ATP2B3: variants seen among roughly 807,000 people sequenced by gnomAD.
ATP2B3 encodes the protein plasma membrane calcium-transporting ATPase 3.
In ATP2B3, 12 loss-of-function variants were observed where a neutral mutation model predicts 70.8. The observed-to-expected ratio is 0.17, with a 90% CI of 0.11 to 0.27. ATP2B3 has a LOEUF of 0.27. Ranked by LOEUF, ATP2B3 falls within the 10% of genes least tolerant of loss-of-function variation. ATP2B3 has a pLI of 1.00. For synonymous variants in ATP2B3, 460 were observed against 497.8 expected (o/e 0.92, Z 1.01); for missense variants, 858 against 1,118.5 (o/e 0.77, Z 3.32).
At position 153,547,905 on chromosome X, in the gene ATP2B3, G is replaced by T; in HGVS notation, c.1029G>T (p.Glu343Asp). The change falls in exon 9 of 22, where the codon GAG becomes GAT. Residue 343 changes from glutamate to aspartate, a missense_variant. Around this residue, in one of 5 missense-constraint regions of ATP2B3, gnomAD observed 278 missense variants for 366.2 expected, o/e 0.76. Transcript: ENST00000263519. ...PLKSAEGGEM[E>D]EREKKKANAP... is the part of the protein sequence containing the mutation. ...AGAGCGCGGAGGGTGGGGAGATGGAGGAGCGGGAGAAGAAGAAAGCCAACG... is the reference window on the plus strand; with the variant it reads ...AGAGCGCGGAGGGTGGGGAGATGGATGAGCGGGAGAAGAAGAAAGCCAACG... 1 of 1,211,359 alleles carries T rather than the reference G, an allele frequency of 8.3e-7. No individual in the cohort carries two copies. Among genetic ancestry groups the T allele is most frequent in the Non-Finnish European group, 1.1e-6 (1 of 895,174 alleles).
At chrX:153,546,046 T>A (rs2090361118) in intron 7 of ATP2B3, 42 bp from the exon 8 acceptor site, 4 of 1,203,573 alleles carry the variant, frequency 3.3e-6, no homozygotes, top group African/African-American at 1.7e-5. Context: ...CCCAGGCTGG[T>A]GTCCTCAAGC....
Position 153,582,095 on chromosome X carries a change from G to T in ATP2B3, c.*1797G>T, listed in dbSNP as rs41304982. 3,175 of 111,770 alleles carry T rather than the reference G, an allele frequency of 0.028. 46 individuals are homozygous for T. Among genetic ancestry groups the T allele is most frequent in the Non-Finnish European group, 0.048 (2,523 of 53,070 alleles). 9.2% of individuals were successfully genotyped at this position (111,770 alleles called of 1,213,427 possible). On this transcript the variant is annotated 3_prime_UTR_variant, in exon 22 of 22. Coordinates refer to ENST00000263519, the MANE Select transcript of ATP2B3 (RefSeq NM_001001344.3). ...GAGGATCGGAATGGAAACCACCAAC[G>T]TGCACTGGCACCCTCAGAAGGCTTG...
chrX:153,576,388 G>T (rs1203592801), intron 21 of ATP2B3, among the ~76,000 whole-genome samples: 2 of 111,850 alleles, frequency 1.8e-5, no homozygotes, highest in African/African-American at 6.5e-5. Flanking sequence ...TGGATGTCTG[G>T]TACATAGGGT....
rs1557008584 is a variant in ATP2B3, at chrX:153,546,082, T to C, written c.917-6T>C. The C allele has an allele frequency of 1.7e-6, 2 of 1,211,106 alleles. No homozygotes were observed. Among genetic ancestry groups the C allele is most frequent in the Non-Finnish European group, 2.2e-6 (2 of 895,247 alleles). ...CTTCGTGTCTGTCATCCCTCTTCCA[T>C]TGTAGGCAAGCAGCAGGATGGGGCC... On this transcript the variant is annotated splice_polypyrimidine_tract_variant and splice_region_variant and intron_variant, in intron 7 of 21. Coordinates refer to ENST00000263519, the MANE Select transcript of ATP2B3 (RefSeq NM_001001344.3).
At chrX:153,550,007 C>T in intron 11 of ATP2B3, 38 bp from the exon 12 acceptor site, 1 of 1,196,072 alleles carries the variant, frequency 8.4e-7, no homozygotes, top group Non-Finnish European at 1.1e-6. Flanking sequence ...AGGGTGGTCT[C>T]AGGCCCCCAG....
At chrX:153,552,595 A>G (rs915740492) in intron 12 of ATP2B3, among the ~76,000 whole-genome samples, 5 of 112,064 alleles carry the variant, frequency 4.5e-5, no homozygotes, top group Admixed American at 9.4e-5. Context: ...CGCTTGCCCT[A>G]TGAAGTCTGT....
chrX:153,565,232 A>G, intron 21 of ATP2B3, 129 bp downstream of exon 21: 1 of 853,840 alleles, frequency 1.2e-6, no homozygotes, highest in Non-Finnish European at 1.6e-6. Context: ...CTTGCTGCCA[A>G]GGTCACAAAA....
chrX:153,549,078 G>T (rs1225383408), intron 10 of ATP2B3, among the ~76,000 whole-genome samples: 2 of 108,651 alleles, frequency 1.8e-5, no homozygotes, highest in Non-Finnish European at 3.8e-5. Flanking sequence ...ATACCCAGGG[G>T]TTCAGCATCT....
At position 153,580,153 on chromosome X, in the gene ATP2B3, C is replaced by T. The variant is rs149428057; in HGVS notation, c.3518C>T (p.Ala1173Val). ...DVDENEERLR[A>V]PPPPSPNQNN... ...GACGAGAACGAGGAGCGCCTCCGGG[C>T]CCCCCCGCCCCCGTCCCCCAACCAG... The change falls in exon 22 of 22, where the codon GCC becomes GTC. Residue 1173 changes from alanine to valine, a missense_variant. Transcript: ENST00000263519. The T allele has an allele frequency of 5.1e-3, 5,591 of 1,089,553 alleles. 12 individuals carry two copies. Among genetic ancestry groups the T allele is most frequent in the Non-Finnish European group, 6.4e-3 (5,085 of 790,991 alleles). The allele number at this position is 1,089,553 out of a possible 1,213,427, so 89.8% of individuals were successfully genotyped here.
chrX:153,561,517 G>T (rs1030358892), intron 19 of ATP2B3, among the ~76,000 whole-genome samples: 4 of 112,279 alleles, frequency 3.6e-5, no homozygotes, highest in South Asian at 3.7e-4. Context: ...CAGGCAGGAG[G>T]TGGGGTGTGA....
chrX:153,520,708 C>T (rs1348195482), intron 2 of ATP2B3, among the ~76,000 whole-genome samples: 1 of 112,504 alleles, frequency 8.9e-6, no homozygotes, highest in Non-Finnish European at 1.9e-5. Flanking sequence ...GTAGCAAATC[C>T]AGGGCTGGAA....
intron 2 of ATP2B3, among the ~76,000 whole-genome samples, chrX:153,535,253 G>A (rs1316904478): frequency 8.9e-6 from 1 of 112,649 alleles, no homozygotes; most frequent in Non-Finnish European, 1.9e-5. Flanking sequence ...GGCCAGGGCC[G>A]TGGCCTGGAT....
intron 2 of ATP2B3, among the ~76,000 whole-genome samples, chrX:153,531,105 G>A (rs2090111067): frequency 8.9e-6 from 1 of 112,990 alleles, no homozygotes; most frequent in Non-Finnish European, 1.9e-5. Context: ...AGGAAGGAGA[G>A]GGCCTGGCGC....
chrX:153,571,003 T>TGCAC (rs1557019744), intron 21 of ATP2B3, among the ~76,000 whole-genome samples: 4 of 87,635 alleles, frequency 4.6e-5, no homozygotes, highest in African/African-American at 1.7e-4. Context: ...CGTGCGCGCG[T>TGCAC]ACACACACAC....
chrX:153,550,834 C>T (rs1019386528), intron 12 of ATP2B3, among the ~76,000 whole-genome samples: 1 of 111,551 alleles, frequency 9.0e-6, no homozygotes, highest in Non-Finnish European at 1.9e-5. Flanking sequence ...TGGGCTCAAG[C>T]GATCCACCCA....
intron 21 of ATP2B3, among the ~76,000 whole-genome samples, chrX:153,567,534 C>T (rs1158952772): frequency 1.8e-5 from 2 of 113,104 alleles, no homozygotes; most frequent in Non-Finnish European, 3.7e-5. Context: ...GGTTTTCCAG[C>T]AGCTGAGACA....
intron 8 of ATP2B3, among the ~76,000 whole-genome samples, chrX:153,547,236 C>T (rs1444251703): frequency 5.4e-5 from 6 of 110,100 alleles, no homozygotes; most frequent in Admixed American, 9.6e-5. Flanking sequence ...AGGAGGGAGC[C>T]GGAGTGGGGG....
intron 13 of ATP2B3, among the ~76,000 whole-genome samples, chrX:153,554,095 C>G (rs1445993145): frequency 8.8e-6 from 1 of 113,845 alleles, no homozygotes; most frequent in Non-Finnish European, 1.9e-5. Flanking sequence ...AAAGACAGTG[C>G]GTCTAAACGC....
chrX:153,560,222 T>C (rs909301439), intron 18 of ATP2B3, among the ~76,000 whole-genome samples: 2 of 111,771 alleles, frequency 1.8e-5, no homozygotes, highest in African/African-American at 3.3e-5. Context: ...TGCCCACGGC[T>C]GTGTAGCTGT....
Sources: allele counts gnomAD v4.1 joint callset (sites outside exome capture counted in the v4.1 genomes callset), GRCh38; gene constraint gnomAD v4.1.1; regional missense constraint gnomAD v4.1.1; transcripts MANE v1.5; gene names NCBI Gene and HGNC (gene_info 2026-07-23, HGNC 2026-07-21).